GPC5: variants seen among roughly 807,000 people sequenced by gnomAD.
The protein encoded by GPC5 is glypican 5.
A neutral mutation model predicts 53.9 loss-of-function variants in GPC5; 47 were observed. The observed-to-expected ratio is 0.87, with a 90% CI of 0.69 to 1.11. The LOEUF is 1.11. Ranked by LOEUF, GPC5 falls within the 50% of genes most tolerant of loss-of-function variation. The pLI, the probability that GPC5 is intolerant of heterozygous loss-of-function variation, is 0.00. For missense variants in GPC5, 748 were observed against 713.1 expected (o/e 1.05, Z -0.56); for synonymous variants, 286 against 263.3 (o/e 1.09, Z -0.84).
At chr13:91,443,217 G>T (rs566683588) in intron 1 of GPC5, among the ~76,000 whole-genome samples, 1 of 152,278 alleles carries the variant, frequency 6.6e-6, no homozygotes, top group East Asian at 1.9e-4. Flanking sequence ...TGTATTTAGA[G>T]ATGGGGCCTT....
chr13:92,013,224 G>A (rs2040677744), intron 6 of GPC5, among the ~76,000 whole-genome samples: 1 of 152,292 alleles, frequency 6.6e-6, no homozygotes, highest in East Asian at 1.9e-4. Context: ...TTGATCAATT[G>A]GACACTTGAA....
chr13:92,268,615 T>C (rs552771654), intron 7 of GPC5, among the ~76,000 whole-genome samples: 1 of 152,148 alleles, frequency 6.6e-6, no homozygotes, highest in Admixed American at 6.5e-5. Context: ...TAAAAAACTT[T>C]GTTCATTTAT....
At chr13:91,456,246 C>T (rs1297428217) in intron 2 of GPC5, among the ~76,000 whole-genome samples, 1 of 152,106 alleles carries the variant, frequency 6.6e-6, no homozygotes, top group African/African-American at 2.4e-5. Flanking sequence ...CCAAACCAAA[C>T]ATACAAAGTA....
intron 1 of GPC5, among the ~76,000 whole-genome samples, chr13:91,436,342 C>G (rs1292933871): frequency 1.3e-5 from 2 of 151,614 alleles, no homozygotes; most frequent in African/African-American, 4.8e-5. Context: ...AAATTTCCCT[C>G]TACACACTGC....
intron 6 of GPC5, among the ~76,000 whole-genome samples, chr13:92,024,492 A>G (rs767031197): frequency 6.6e-6 from 1 of 152,122 alleles, no homozygotes; most frequent in Non-Finnish European, 1.5e-5. Flanking sequence ...TTAACATATC[A>G]GCATGATCTG....
At chr13:92,461,693 C>T (rs536462988) in intron 7 of GPC5, among the ~76,000 whole-genome samples, 2 of 152,298 alleles carry the variant, frequency 1.3e-5, no homozygotes, top group South Asian at 4.1e-4. Flanking sequence ...GAGCTTGCCT[C>T]CTTTCTCTGC....
chr13:92,717,273 G>C (rs1888363826), intron 7 of GPC5, among the ~76,000 whole-genome samples: 1 of 151,988 alleles, frequency 6.6e-6, no homozygotes, highest in South Asian at 2.1e-4. Flanking sequence ...CAGCAAGAGG[G>C]AAAAAGGAGA....
chr13:92,320,706 A>T (rs1334869490), intron 7 of GPC5, among the ~76,000 whole-genome samples: 1 of 152,172 alleles, frequency 6.6e-6, no homozygotes, highest in African/African-American at 2.4e-5. Context: ...TTATCTAAAC[A>T]TAAGGCAAAT....
At chr13:92,089,007 A>G (rs2041356799) in intron 6 of GPC5, among the ~76,000 whole-genome samples, 2 of 152,226 alleles carry the variant, frequency 1.3e-5, no homozygotes, top group South Asian at 4.1e-4. Context: ...TTTTGAATTT[A>G]TCTAGAAAAA....
intron 7 of GPC5, among the ~76,000 whole-genome samples, chr13:92,476,290 A>G (rs996151939): frequency 6.6e-6 from 1 of 152,198 alleles, no homozygotes; most frequent in East Asian, 1.9e-4. Context: ...AACACATGAA[A>G]AAATGCTCAT....
intron 7 of GPC5, among the ~76,000 whole-genome samples, chr13:92,179,269 G>A (rs371534294): frequency 1.2e-4 from 19 of 152,078 alleles, no homozygotes; most frequent in African/African-American, 3.6e-4. Flanking sequence ...AAAAATAAAG[G>A]ATAATATCCT....
intron 7 of GPC5, among the ~76,000 whole-genome samples, chr13:92,722,128 CAA>C (rs1302695773): frequency 1.3e-5 from 2 of 151,944 alleles, no homozygotes; most frequent in Non-Finnish European, 2.9e-5. Flanking sequence ...AGGAAATTTT[CAA>C]AAGTCTTGTT....
chr13:91,954,924 A>AAATC (rs149424563), intron 6 of GPC5, among the ~76,000 whole-genome samples: 2,975 of 152,234 alleles, frequency 0.02, 86 homozygotes, highest in African/African-American at 0.068. Flanking sequence ...TAATTTCATA[A>AAATC]AATCATATTC....
intron 7 of GPC5, among the ~76,000 whole-genome samples, chr13:92,785,365 T>C (rs1876188441): frequency 6.6e-6 from 1 of 152,172 alleles, no homozygotes; most frequent in Admixed American, 6.5e-5. Context: ...AACCATTAAC[T>C]CATTTTTCAT....
At chr13:92,132,041 A>G (rs879383831) in intron 6 of GPC5, among the ~76,000 whole-genome samples, 5 of 152,172 alleles carry the variant, frequency 3.3e-5, no homozygotes, top group Non-Finnish European at 7.4e-5. Flanking sequence ...GAATGTAAAC[A>G]TATTTTATTG....
chr13:92,592,883 G>C lies in GPC5; in HGVS notation c.1562-273399G>C, dbSNP rs76512671. 1.2e-3 allele frequency among the ~76,000 whole-genome samples: 177 copies of C among 150,966 alleles called. 9 individuals are homozygous for C. The highest frequency in any genetic ancestry group is 1.9e-3 in the Non-Finnish European group (126 of 67,450). ...GAGGGATGGGCGATGTGCATGCTTC[G>C]GTGGCCCTCATGCGTGCCCCTAGCT... On this transcript the variant is annotated intron_variant, in intron 7 of 7. Coordinates refer to ENST00000377067, the MANE Select transcript of GPC5 (RefSeq NM_004466.6).
intron 7 of GPC5, among the ~76,000 whole-genome samples, chr13:92,379,559 TTGCATATTAGTTCCTCTCTGTGCCCCC>T: frequency 6.7e-6 from 1 of 149,154 alleles, no homozygotes; most frequent in Non-Finnish European, 1.5e-5. Flanking sequence ...CCTGTGCCCC[TTGCATATTAGTTCCTCTCTGTGCCCCC>T]TGCATATTAG....
chr13:92,157,950 AT>A (rs1441216190), intron 7 of GPC5, among the ~76,000 whole-genome samples: 26 of 152,222 alleles, frequency 1.7e-4, no homozygotes, highest in Admixed American at 3.3e-4. Context: ...CAGTAAATAC[AT>A]TAAAATGAAC....
intron 2 of GPC5, among the ~76,000 whole-genome samples, chr13:91,652,269 C>G (rs1183054977): frequency 6.6e-6 from 1 of 150,496 alleles, no homozygotes; most frequent in Admixed American, 6.5e-5. Flanking sequence ...GGTGCACAAG[C>G]AAAACTGGCA....
Sources: allele counts gnomAD v4.1 joint callset (sites outside exome capture counted in the v4.1 genomes callset), GRCh38; gene constraint gnomAD v4.1.1; transcripts MANE v1.5; gene names NCBI Gene and HGNC (gene_info 2026-07-23, HGNC 2026-07-21).